The following ADAMTS9 variants were observed in gnomAD, a reference collection of about 807,000 sequenced individuals.
ADAMTS9 encodes the protein ADAM metallopeptidase with thrombospondin type 1 motif 9, also known as A disintegrin and metalloproteinase with thrombospondin motifs 9.
ADAMTS9 carries 107 observed loss-of-function variants against 257.1 expected under a neutral mutation model. The observed-to-expected ratio is 0.42, with a 90% CI of 0.36 to 0.49. The LOEUF (loss-of-function observed/expected upper bound fraction) is 0.49. Ranked by LOEUF, ADAMTS9 falls within the 20% of genes least tolerant of loss-of-function variation. The pLI is 0.03. For missense variants in ADAMTS9, 2,353 were observed against 2,469.1 expected (o/e 0.95, Z 1.00); for synonymous variants, 982 against 880.9 (o/e 1.11, Z -2.03).
chr3:64,525,003 T>C (rs1387723780), intron 38 of ADAMTS9, among the ~76,000 whole-genome samples: 2 of 152,326 alleles, frequency 1.3e-5, no homozygotes, highest in South Asian at 2.1e-4. Context: ...AGCCCATTTC[T>C]TCTGAGAAAC....
rs140276969 is a variant in ADAMTS9, at chr3:64,645,292, G to A, written c.1710+2648C>T. Among the ~76,000 whole-genome samples the A allele has an allele frequency of 9.7e-3, 1,478 of 152,236 alleles. 10 individuals are homozygous for A. The highest frequency in any genetic ancestry group is 0.015 in the Non-Finnish European group (1,051 of 68,012). On this transcript the variant is annotated intron_variant, in intron 11 of 39. Coordinates refer to ENST00000498707, the MANE Select transcript of ADAMTS9 (RefSeq NM_182920.2). Reference sequence around the variant, plus strand: ...ACTTGGAGGTTGATTTTGTCCAAATGAAACTTGAAACAAAAGAGTTTCAAA... The same window carrying A: ...ACTTGGAGGTTGATTTTGTCCAAATAAAACTTGAAACAAAAGAGTTTCAAA...
At chr3:64,631,571 A>G in intron 15 of ADAMTS9, 21 bp from the exon 16 acceptor site, 1 of 1,581,226 alleles carries the variant, frequency 6.3e-7, no homozygotes, top group Non-Finnish European at 8.7e-7. Context: ...TTTAGCAGAA[A>G]TTCAGTACTC....
At chr3:64,606,262 T>C (rs2084554717) in intron 23 of ADAMTS9, among the ~76,000 whole-genome samples, 1 of 152,216 alleles carries the variant, frequency 6.6e-6, no homozygotes, top group South Asian at 2.1e-4. Flanking sequence ...ATTACTTTCT[T>C]AAGTCTAACC....
intron 3 of ADAMTS9, 74 bp from the exon 4 acceptor site, chr3:64,658,865 T>C: frequency 6.9e-7 from 1 of 1,452,876 alleles, no homozygotes; most frequent in East Asian, 2.3e-5. Flanking sequence ...ATTTGACACA[T>C]TTTAAATTGA....
intron 30 of ADAMTS9, among the ~76,000 whole-genome samples, chr3:64,553,281 A>G (rs2083292576): frequency 1.3e-5 from 2 of 152,128 alleles, no homozygotes; most frequent in African/African-American, 4.8e-5. Flanking sequence ...TATTCTGGGT[A>G]TTTCACATAT....
intron 16 of ADAMTS9, among the ~76,000 whole-genome samples, chr3:64,626,212 C>G (rs1005046339): frequency 3.9e-5 from 6 of 152,116 alleles, no homozygotes; most frequent in African/African-American, 1.4e-4. Context: ...AAGGTAGTGT[C>G]TATTATAGAA....
chr3:64,657,544 A>C lies in ADAMTS9; in HGVS notation c.969+958T>G, dbSNP rs1701108296. Reference sequence around the variant, plus strand: ...TTAATAGAGACCAGGTCTTGCTATAATGCCCAGGCTGGTCTTAAACTCTGG... The same window carrying C: ...TTAATAGAGACCAGGTCTTGCTATACTGCCCAGGCTGGTCTTAAACTCTGG... On this transcript the variant is annotated intron_variant, in intron 4 of 39. Coordinates refer to ENST00000498707, the MANE Select transcript of ADAMTS9 (RefSeq NM_182920.2). Among the ~76,000 whole-genome samples, 8 of 151,848 alleles carry C rather than the reference A, an allele frequency of 5.3e-5. No homozygotes were observed. The South Asian group carries it at 1.7e-3, about 32-fold the overall frequency.
intron 28 of ADAMTS9, among the ~76,000 whole-genome samples, chr3:64,578,560 T>C (rs896229696): frequency 2.6e-5 from 4 of 152,216 alleles, no homozygotes; most frequent in African/African-American, 9.6e-5. Flanking sequence ...TCTTTCTTTG[T>C]TATTTTTGGC....
chr3:64,557,548 C>T (rs1186639964), intron 30 of ADAMTS9, among the ~76,000 whole-genome samples: 1 of 152,122 alleles, frequency 6.6e-6, no homozygotes, highest in Non-Finnish European at 1.5e-5. Context: ...AGAAGCCCAA[C>T]ATTATAAGGT....
chr3:64,622,908 T>G (rs761989619), intron 16 of ADAMTS9, among the ~76,000 whole-genome samples: 11 of 152,198 alleles, frequency 7.2e-5, no homozygotes, highest in Non-Finnish European at 1.3e-4. Context: ...GTTATAGAAT[T>G]ATAGATGGAA....
intron 21 of ADAMTS9, among the ~76,000 whole-genome samples, chr3:64,613,807 G>A (rs946498747): frequency 6.6e-6 from 1 of 152,046 alleles, no homozygotes; most frequent in Non-Finnish European, 1.5e-5. Context: ...TAAGCATGGG[G>A]AATTATAAAT....
chr3:64,594,756 G>A (rs564525202), intron 27 of ADAMTS9, among the ~76,000 whole-genome samples: 6 of 152,232 alleles, frequency 3.9e-5, no homozygotes, highest in South Asian at 4.1e-4. Context: ...TAATTAACTC[G>A]ATCAAGTCCA....
chr3:64,623,704 C>T (rs1226074205), intron 16 of ADAMTS9, among the ~76,000 whole-genome samples: 2 of 152,168 alleles, frequency 1.3e-5, no homozygotes, highest in Admixed American at 6.5e-5. Context: ...ACTCTCTATC[C>T]GCTTTCTCAT....
At chr3:64,625,702 A>G (rs1700208026) in intron 16 of ADAMTS9, among the ~76,000 whole-genome samples, 1 of 152,212 alleles carries the variant, frequency 6.6e-6, no homozygotes, top group African/African-American at 2.4e-5. Flanking sequence ...AATGACTGAG[A>G]AGAATGTGGT....
intron 22 of ADAMTS9, among the ~76,000 whole-genome samples, chr3:64,610,877 C>T (rs1269479015): frequency 5.9e-5 from 9 of 151,788 alleles, no homozygotes; most frequent in Non-Finnish European, 1.2e-4. Flanking sequence ...GAGATAGAGA[C>T]CATCTTGGCT....
chr3:64,635,079 T>A (rs940774473), intron 12 of ADAMTS9, among the ~76,000 whole-genome samples: 1 of 152,186 alleles, frequency 6.6e-6, no homozygotes, highest in Non-Finnish European at 1.5e-5. Flanking sequence ...TGATACTTCA[T>A]GTCAACACTG....
chr3:64,619,994 G>C (rs527593240), intron 19 of ADAMTS9, among the ~76,000 whole-genome samples: 1 of 151,690 alleles, frequency 6.6e-6, no homozygotes, highest in African/African-American at 2.4e-5. Flanking sequence ...TAGTATAAAC[G>C]TCTGCCTTTT....
chr3:64,562,991 T>C (rs997545367), intron 29 of ADAMTS9: 1 of 152,216 alleles, frequency 6.6e-6, no homozygotes, highest in African/African-American at 2.4e-5. Context: ...GAACCATATG[T>C]TCACATCAAA....
intron 11 of ADAMTS9, 96 bp downstream of exon 11, chr3:64,647,844 A>G: frequency 9.7e-7 from 1 of 1,033,922 alleles, no homozygotes; most frequent in East Asian, 2.5e-5. Flanking sequence ...AACAGACTGC[A>G]TTGTCTTATA....
Sources: gnomAD v4.1 joint callset for allele counts (sites outside exome capture counted in the v4.1 genomes callset) on GRCh38, gnomAD v4.1.1 for gene constraint, MANE v1.5 for transcripts, NCBI Gene and HGNC (gene_info 2026-07-23, HGNC 2026-07-21) for gene names.